The following ZNF606 variants were observed in gnomAD, a reference collection of about 807,000 sequenced individuals.
ZNF606 encodes zinc finger protein 328.
ZNF606 carries 37 observed loss-of-function variants against 74.9 expected under a neutral mutation model. The ratio of observed to expected loss-of-function variants is 0.49; its 90% CI spans 0.38 to 0.65. The LOEUF (loss-of-function observed/expected upper bound fraction) is 0.65. Among genes scored for constraint, ZNF606 ranks in the 30% least tolerant of loss-of-function variants. The pLI, the probability that ZNF606 is intolerant of heterozygous loss-of-function variation, is 0.00. For synonymous variants in ZNF606, 328 were observed against 312.4 expected, an observed-to-expected ratio of 1.05 and a Z score of -0.53; for missense variants, 852 against 952.9, an observed-to-expected ratio of 0.89 and a Z score of 1.39.
At chr19:57,999,979 C>G (rs1438057352) in intron 3 of ZNF606, 83 bp from the exon 4 acceptor site, 2 of 1,215,090 alleles carry the variant, frequency 1.6e-6, no homozygotes, top group Non-Finnish European at 2.3e-6. Context: ...GAACCAGCCC[C>G]TGCCCCTCCC....
At chr19:57,986,912 T>G (rs1235822141) in intron 6 of ZNF606, among the ~76,000 whole-genome samples, 3 of 152,084 alleles carry the variant, frequency 2.0e-5, no homozygotes, top group African/African-American at 7.2e-5. Flanking sequence ...AGTGAGACCT[T>G]GTCTCTACAA....
At position 58,000,722 on chromosome 19, in the gene ZNF606, A is replaced by T; in HGVS notation, c.49T>A (p.Ser17Thr). The change falls in exon 3 of 7, where the codon TCT becomes ACT. Residue 17 changes from serine (S) to threonine (T), a missense_variant. Around this residue, in one of 3 missense-constraint regions of ZNF606, gnomAD observed 545 missense variants for 542.5 expected, o/e 1.00. Transcript: ENST00000551380. ...WASWGALTDQ[S>T]WGMTAVDPWA... The stretch of plus-strand genomic sequence containing the variant: ...GGGTCAACAGCTGTCATCCCCCAAG[A>T]TTGGTCCGTAAGGGCACCTGCACAG... 5.0e-6 allele frequency: 8 copies of T among 1,593,712 alleles called. No homozygotes were observed. Among genetic ancestry groups the T allele is most frequent in the Non-Finnish European group, 6.0e-6 (7 of 1,168,760 alleles).
intron 4 of ZNF606, among the ~76,000 whole-genome samples, chr19:57,988,967 C>G (rs1454586910): frequency 6.6e-6 from 1 of 152,188 alleles, no homozygotes; most frequent in Non-Finnish European, 1.5e-5. Context: ...GAGCAGGTCT[C>G]TTCGAAGACT....
chr19:58,001,190 C>T (rs1568586245), intron 2 of ZNF606, 99 bp downstream of exon 2: 1 of 1,416,734 alleles, frequency 7.1e-7, no homozygotes, highest in Non-Finnish European at 9.8e-7. Flanking sequence ...GACAGACCCC[C>T]TTCCATCCTC....
At position 57,990,334 on chromosome 19, in the gene ZNF606, C is replaced by T. The variant is rs1354770605; in HGVS notation, c.178-1613G>A. On this transcript the variant is annotated intron_variant, in intron 4 of 6. Transcript: ENST00000551380. ...GAGCTGAGATCACACCACTGCAATC[C>T]AGCCTGGGCGACAAAGCAAGACTCT... Among the ~76,000 whole-genome samples, 4 of 150,566 alleles carry T rather than the reference C, an allele frequency of 2.7e-5. No homozygotes were observed. The South Asian group carries it at 6.4e-4, about 24-fold the overall frequency.
intron 6 of ZNF606, among the ~76,000 whole-genome samples, chr19:57,981,248 C>T (rs566038603): frequency 2.6e-5 from 4 of 152,138 alleles, no homozygotes; most frequent in Non-Finnish European, 4.4e-5. Context: ...GCCCCATGTA[C>T]GCTACTGGAA....
chr19:58,000,766 G>A, intron 2 of ZNF606, 27 bp from the exon 3 acceptor site: 1 of 1,531,560 alleles, frequency 6.5e-7, no homozygotes, highest in Non-Finnish European at 8.8e-7. Flanking sequence ...GGTTAGGACT[G>A]TGACACCAAA....
intron 4 of ZNF606, chr19:57,998,533 G>C (rs1288944025): frequency 6.6e-6 from 1 of 152,286 alleles, no homozygotes; most frequent in Admixed American, 6.5e-5. Context: ...GAGACAGAAA[G>C]TACACTAGTG....
chr19:57,978,589 T>G lies in ZNF606; in HGVS notation c.2091A>C (p.Ala697=). The stretch of plus-strand genomic sequence containing the variant: ...TCTCTCCAGTATGAGTTCTCCGGTG[T>G]GCAATGAGGTGAGAACTACAGTTAA... The part of the protein sequence containing the change: ...RSFNCSSHLI[A]HRRTHTGEKP... Residue 697 remains alanine (A), a synonymous_variant, in exon 7 of 7, where the codon GCA becomes GCC. Transcript: ENST00000551380. This position sits in a 1 kb window ranked among gnomAD's most constrained non-coding sequence, Gnocchi z 4.4. The G allele has an allele frequency of 1.2e-6, 2 of 1,613,996 alleles. No homozygotes were observed. Among genetic ancestry groups the G allele is most frequent in the Non-Finnish European group, 1.7e-6 (2 of 1,180,006 alleles).
rs143827609 is a variant in ZNF606 at position 57,978,904 on chromosome 19, T to C, written c.1776A>G (p.Gly592=). ...HLIAHQRTHT[G]EKPYNCQECG... ...ATTCCTGACAGTTATATGGTTTCTC[T>C]CCCGTGTGAGTTCTCTGATGGGCAA... The change falls in exon 7 of 7, where the codon GGA becomes GGG. Residue 592 remains glycine, a synonymous_variant. Coordinates refer to ENST00000551380, the MANE Select transcript of ZNF606 (RefSeq NM_001348022.3). This position sits in a 1 kb window ranked among gnomAD's most constrained non-coding sequence, Gnocchi z 4.4. 203 of 1,614,028 alleles carry C rather than the reference T, an allele frequency of 1.3e-4. No individual in the cohort carries two copies. Among genetic ancestry groups the C allele is most frequent in the Non-Finnish European group, 1.2e-4 (141 of 1,180,030 alleles).
chr19:58,000,238 T>C (rs2073399964), intron 3 of ZNF606: 4 of 418,826 alleles, frequency 9.6e-6, no homozygotes, highest in African/African-American at 2.0e-5. Context: ...CTTTTTTTTT[T>C]TGAGACTGAG....
Position 57,979,328 on chromosome 19 carries a change from G to T in ZNF606, c.1352C>A (p.Thr451Asn). 6.2e-7 allele frequency: 1 copy of T among 1,613,732 alleles called. No homozygotes were observed. The highest frequency in any genetic ancestry group is 1.3e-5 in the African/African-American group (1 of 75,014). ...SALTKHERTH[T>N]GIKPYECNKC... The stretch of plus-strand genomic sequence containing the variant: ...ATTACATTCATAGGGTTTTATTCCA[G>T]TGTGAGTCCGTTCATGTTTCGTAAG... The change falls in exon 7 of 7, where the codon ACT (threonine) becomes AAT (asparagine). Residue 451 changes from threonine to asparagine, a missense_variant. By Grantham distance (65) the Thr-to-Asn change is moderately conservative (BLOSUM62 0). This residue lies in a region of ZNF606 where 545 missense variants were observed against 542.5 expected (regional missense o/e 1.00). Coordinates refer to ENST00000551380, the MANE Select transcript of ZNF606 (RefSeq NM_001348022.3).
At chr19:57,995,372 A>G (rs2073321404) in intron 4 of ZNF606, among the ~76,000 whole-genome samples, 1 of 152,110 alleles carries the variant, frequency 6.6e-6, no homozygotes, top group Non-Finnish European at 1.5e-5. Flanking sequence ...CTGCCCATAA[A>G]AGAAACTATG....
At chr19:57,990,103 C>T (rs970201776) in intron 4 of ZNF606, among the ~76,000 whole-genome samples, 27 of 148,908 alleles carry the variant, frequency 1.8e-4, no homozygotes, top group African/African-American at 6.2e-4. Context: ...TGGCTCACGC[C>T]GGTAATCCCA....
intron 4 of ZNF606, chr19:57,997,343 C>G (rs2073354570): frequency 6.6e-6 from 1 of 152,196 alleles, no homozygotes; most frequent in Non-Finnish European, 1.5e-5. Context: ...CCTCACTATT[C>G]AACATACTTC....
intron 6 of ZNF606, 140 bp from the exon 7 acceptor site, chr19:57,980,419 G>C (rs2073067184): frequency 3.8e-6 from 3 of 782,426 alleles, no homozygotes; most frequent in Non-Finnish European, 6.0e-6. Context: ...CTCAGAGAAA[G>C]ATCATAATAG....
Position 57,979,536 on chromosome 19 carries a change from C to G in ZNF606, c.1144G>C (p.Gly382Arg), listed in dbSNP as rs2073046928. Reference protein sequence around the residue: ...YKYNEWEKVFGYDSFLTQHTS... With the variant: ...YKYNEWEKVFRYDSFLTQHTS... ...TGTTGAGTAAGGAAAGAGTCATACCCAAAGACTTTCTCCCATTCATTGTAT... is the reference window on the plus strand; with the variant it reads ...TGTTGAGTAAGGAAAGAGTCATACCGAAAGACTTTCTCCCATTCATTGTAT... The change falls in exon 7 of 7, where the codon GGG (glycine) becomes CGG (arginine). Residue 382 changes from glycine (G) to arginine (R), a missense_variant. Transcript: ENST00000551380. The G allele has an allele frequency of 1.9e-6, 3 of 1,613,156 alleles. No individual in the cohort carries two copies. The highest frequency in any genetic ancestry group is 1.7e-6 in the Non-Finnish European group (2 of 1,179,566).
intron 4 of ZNF606, among the ~76,000 whole-genome samples, chr19:57,993,997 A>C (rs2073299018): frequency 6.6e-6 from 1 of 152,230 alleles, no homozygotes; most frequent in African/African-American, 2.4e-5. Flanking sequence ...GAAACACCTG[A>C]TGCACAGATA....
chr19:57,994,118 A>C (rs2073301034), intron 4 of ZNF606, among the ~76,000 whole-genome samples: 1 of 152,232 alleles, frequency 6.6e-6, no homozygotes, highest in African/African-American at 2.4e-5. Context: ...GAGTGATTTC[A>C]GTATAAAGTG....
Sources: gnomAD v4.1 joint callset for allele counts (sites outside exome capture counted in the v4.1 genomes callset) on GRCh38, gnomAD v4.1.1 for gene constraint, gnomAD v4.1.1 regional missense constraint, Gnocchi (gnomAD v3.1) non-coding constraint, MANE v1.5 for transcripts, NCBI Gene and HGNC (gene_info 2026-07-23, HGNC 2026-07-21) for gene names.